The following MRO variants were observed in gnomAD, a reference collection of about 807,000 sequenced individuals.
MRO encodes maestro, also known as protein maestro.
MRO carries 28 observed loss-of-function variants against 31.0 expected under a neutral mutation model. The ratio of observed to expected loss-of-function variants is 0.90; its 90% confidence interval spans 0.67 to 1.24. MRO has a LOEUF of 1.24. Ranked by LOEUF, MRO falls within the 50% of genes most tolerant of loss-of-function variation. The pLI is 0.00. For synonymous variants in MRO, 108 were observed against 108.4 expected, an observed-to-expected ratio of 1.00 and a Z score of 0.02; for missense variants, 332 against 289.2, an observed-to-expected ratio of 1.15 and a Z score of -1.07.
chr18:50,811,419 A>G (rs1158066888), intron 2 of MRO, among the ~76,000 whole-genome samples: 1 of 152,168 alleles, frequency 6.6e-6, no homozygotes, highest in Non-Finnish European at 1.5e-5. Flanking sequence ...GGATTTACCT[A>G]TTCTGAATAT....
chr18:50,800,065 G>C lies in MRO; in HGVS notation c.664C>G (p.Gln222Glu). Residue 222 changes from glutamine (Q) to glutamate (E), a missense_variant, in exon 7 of 8, where the codon CAA (glutamine) becomes GAA (glutamate). Physicochemically the swap from Gln to Glu is conservative, Grantham distance 29 (BLOSUM62 2). Transcript: ENST00000398439. ...TGCTGGTAGAGCTTAGTGTTCCTTTGATCTTCTTCACTCTGGAAGCTGTAT... is the reference window on the plus strand; with the variant it reads ...TGCTGGTAGAGCTTAGTGTTCCTTTCATCTTCTTCACTCTGGAAGCTGTAT... ...EEYSFQSEED[Q>E]RNTKLYQQLS... The C allele has an allele frequency of 6.2e-7, 1 of 1,613,516 alleles. No homozygotes were observed. Among genetic ancestry groups the C allele is most frequent in the Non-Finnish European group, 8.5e-7 (1 of 1,179,602 alleles).
At chr18:50,813,491 C>G (rs1440425523) in intron 2 of MRO, among the ~76,000 whole-genome samples, 1 of 152,232 alleles carries the variant, frequency 6.6e-6, no homozygotes, top group East Asian at 1.9e-4. Flanking sequence ...CATTCCCAGG[C>G]CTAGGCCCCA....
chr18:50,806,220 C>A (rs1913909102), intron 4 of MRO, among the ~76,000 whole-genome samples: 1 of 152,276 alleles, frequency 6.6e-6, no homozygotes, highest in East Asian at 1.9e-4. Flanking sequence ...CAGGCGTGAA[C>A]CACTACGGCC....
chr18:50,809,828 TA>T (rs1260220545), intron 2 of MRO, among the ~76,000 whole-genome samples: 1 of 152,370 alleles, frequency 6.6e-6, no homozygotes, highest in Non-Finnish European at 1.5e-5. Flanking sequence ...CTTACCACTT[TA>T]AAGCACACGT....
Position 50,801,512 on chromosome 18 carries a change from C to T in MRO, c.430-8G>A, listed in dbSNP as rs1002414140. 1.3e-6 allele frequency: 2 copies of T among 1,575,652 alleles called. No homozygotes were observed. The highest frequency in any genetic ancestry group is 1.7e-6 in the Non-Finnish European group (2 of 1,162,008). On this transcript the variant is annotated splice_polypyrimidine_tract_variant and splice_region_variant and intron_variant, in intron 5 of 7. Coordinates refer to ENST00000398439, the MANE Select transcript of MRO (RefSeq NM_031939.6). The stretch of plus-strand genomic sequence containing the variant: ...TCTCAGACTGTCGTTCTCCTGCGGT[C>T]CCCATCAACAAAACAATAAGAAAGC...
chr18:50,806,673 G>T (rs759969981), intron 4 of MRO, 31 bp downstream of exon 4: 6 of 1,613,636 alleles, frequency 3.7e-6, no homozygotes, highest in Middle Eastern at 1.7e-4. Context: ...GAGGCTTGGG[G>T]AGCTGGCTGA....
At chr18:50,812,019 G>T (rs1914521610) in intron 2 of MRO, among the ~76,000 whole-genome samples, 1 of 152,068 alleles carries the variant, frequency 6.6e-6, no homozygotes, top group Non-Finnish European at 1.5e-5. Context: ...AGGATTACAG[G>T]CGTTAGCCAC....
At chr18:50,802,551 C>T (rs577888599) in intron 5 of MRO, among the ~76,000 whole-genome samples, 10 of 152,160 alleles carry the variant, frequency 6.6e-5, no homozygotes, top group East Asian at 3.9e-4. Context: ...CCAGGTAAAC[C>T]AGAGGGAGGA....
chr18:50,805,444 C>G, intron 4 of MRO, 108 bp from the exon 5 acceptor site: 1 of 841,772 alleles, frequency 1.2e-6, no homozygotes, highest in South Asian at 1.8e-5. Context: ...AACTAACACA[C>G]CAGGGCTTTT....
intron 2 of MRO, chr18:50,815,674 C>T (rs1289095349): frequency 5.0e-6 from 2 of 398,782 alleles, no homozygotes; most frequent in Admixed American, 2.9e-5. Flanking sequence ...TCAGGCAGTC[C>T]CTGTGGTGAC....
upstream of MRO, among the ~76,000 whole-genome samples, chr18:50,824,963 T>C (rs1599054104): frequency 6.7e-6 from 1 of 150,138 alleles, no homozygotes; most frequent in Admixed American, 6.6e-5. Context: ...TGATCCCAGC[T>C]ACTTCGGAGG....
chr18:50,805,378 C>T, intron 4 of MRO, 42 bp from the exon 5 acceptor site: 2 of 1,576,844 alleles, frequency 1.3e-6, no homozygotes, highest in South Asian at 1.1e-5. Context: ...ACAGGAACTG[C>T]TCCCCATAGG....
At chr18:50,807,508 C>T (rs368141424) in intron 3 of MRO, among the ~76,000 whole-genome samples, 1 of 73,336 alleles carries the variant, frequency 1.4e-5, no homozygotes. Flanking sequence ...CATTTCAGCA[C>T]TGATCTAGTA....
Position 50,795,720 on chromosome 18 carries a change from A to G in MRO, c.*3617T>C, listed in dbSNP as rs561946324. On this transcript the variant is annotated 3_prime_UTR_variant, in exon 8 of 8. Transcript: ENST00000398439. ...TTTGGGAGACCAAGGTGAGCAGATC[A>G]CTTGAGGTCAGGAGTTTGAGACCAG... The G allele has an allele frequency of 1.3e-5, 2 of 152,400 alleles. No individual in the cohort carries two copies. Among genetic ancestry groups the G allele is most frequent in the Admixed American group, 1.3e-4 (2 of 15,294 alleles). 9.4% of individuals were successfully genotyped at this position (152,400 alleles called of 1,614,324 possible). A position where few individuals can be genotyped will look rare whatever the true frequency, so the allele number is the denominator to read the frequency against.
chr18:50,817,850 T>C (rs1233407939), intron 2 of MRO, among the ~76,000 whole-genome samples: 3 of 152,202 alleles, frequency 2.0e-5, no homozygotes, highest in African/African-American at 7.2e-5. Context: ...TGTTTGTCTA[T>C]GATTTATGCA....
In MRO at chr18:50,819,936, C is replaced by T. The variant is rs969240334; in HGVS notation, c.-166G>A. On this transcript the variant is annotated 5_prime_UTR_variant, in exon 1 of 8. Coordinates refer to ENST00000398439, the MANE Select transcript of MRO (RefSeq NM_031939.6). ...GCCATGCTGAGGTGTTTTTCCTTCT[C>T]CTTGCTGTGATTTCCCCTCCTTCTT... 4.1e-5 allele frequency: 63 copies of T among 1,551,584 alleles called. No homozygotes were observed. Among genetic ancestry groups the T allele is most frequent in the Non-Finnish European group, 5.4e-5 (62 of 1,146,986 alleles).
intron 2 of MRO, among the ~76,000 whole-genome samples, chr18:50,817,674 C>T (rs926072224): frequency 2.7e-5 from 4 of 150,398 alleles, no homozygotes; most frequent in Non-Finnish European, 3.0e-5. Context: ...AAAGCTAATC[C>T]GAGCCCATGC....
Position 50,796,880 on chromosome 18 carries a change from C to A in MRO, c.*2457G>T, listed in dbSNP as rs1222266686. The A allele has an allele frequency of 6.6e-6, 1 of 151,924 alleles. No individual in the cohort carries two copies. Among genetic ancestry groups the A allele is most frequent in the East Asian group, 1.9e-4 (1 of 5,194 alleles). 9.4% of individuals were successfully genotyped at this position (151,924 alleles called of 1,614,324 possible). A position where few individuals can be genotyped will look rare whatever the true frequency, so the allele number is the denominator to read the frequency against. On this transcript the variant is annotated 3_prime_UTR_variant, in exon 8 of 8. Transcript: ENST00000398439. ...TGGTAGGTATGGTGAGAAACAGAAA[C>A]AAACAAACAAAAAAACATAGTCCCT...
At chr18:50,824,610 A>G (rs1915439095), upstream of MRO, among the ~76,000 whole-genome samples, 3 of 150,918 alleles carry the variant, frequency 2.0e-5, no homozygotes. Context: ...GCGTGCCACC[A>G]TGCCTGACTA....
Sources: allele counts gnomAD v4.1 joint callset (sites outside exome capture counted in the v4.1 genomes callset), GRCh38; gene constraint gnomAD v4.1.1; transcripts MANE v1.5; gene names NCBI Gene and HGNC (gene_info 2026-07-23, HGNC 2026-07-21).